Variants in FGF12 observed in about 807,000 individuals in gnomAD.
FGF12 encodes fibroblast growth factor 12.
Under a neutral mutation model 23.6 loss-of-function variants are expected in FGF12, and 14 were observed. That is an observed-to-expected ratio of 0.59 (90% CI 0.39 to 0.93). The LOEUF (loss-of-function observed/expected upper bound fraction) is 0.93. FGF12 is among the 40% of genes least tolerant of loss of function. FGF12 has a pLI of 0.00. For synonymous variants in FGF12, 62 were observed against 77.3 expected (o/e 0.80, Z 1.04); for missense variants, 175 against 217.8 (o/e 0.80, Z 1.24).
chr3:192,306,046 G>C (rs962582412), intron 4 of FGF12, among the ~76,000 whole-genome samples: 5 of 151,754 alleles, frequency 3.3e-5, no homozygotes, highest in African/African-American at 1.2e-4. Flanking sequence ...ATTTTCAATA[G>C]AGACGGGGTT....
At chr3:192,219,528 C>T (rs1718367785) in intron 4 of FGF12, among the ~76,000 whole-genome samples, 1 of 152,166 alleles carries the variant, frequency 6.6e-6, no homozygotes, top group Non-Finnish European at 1.5e-5. Flanking sequence ...TATTGGTATG[C>T]TTCCTTTAAG....
intron 2 of FGF12, among the ~76,000 whole-genome samples, chr3:192,503,496 A>G (rs1724193250): frequency 6.6e-6 from 1 of 150,630 alleles, no homozygotes; most frequent in African/African-American, 2.5e-5. Context: ...ACCATTTTAC[A>G]TTTTTTATCC....
intron 2 of FGF12, among the ~76,000 whole-genome samples, chr3:192,628,382 A>C (rs751676369): frequency 6.7e-6 from 1 of 149,976 alleles, no homozygotes; most frequent in African/African-American, 2.4e-5. Flanking sequence ...AACATAAATA[A>C]AAACTGCCAA....
chr3:192,578,537 G>C (rs1161957267), intron 2 of FGF12, among the ~76,000 whole-genome samples: 1 of 152,030 alleles, frequency 6.6e-6, no homozygotes, highest in African/African-American at 2.4e-5. Context: ...TGGCAGTTTT[G>C]CCTCTCAGAT....
Position 192,336,108 on chromosome 3 carries a change from T to TAC in FGF12, c.125-646_125-645dup, listed in dbSNP as rs34991386. Among the ~76,000 whole-genome samples, 5,145 of 143,982 alleles carry TAC rather than the reference T, an allele frequency of 0.036. 96 individuals are homozygous for TAC. The highest frequency in any genetic ancestry group is 0.053 in the African/African-American group (2,049 of 38,948). The allele number at this position is 143,982 out of a possible 152,430, so 94.5% of individuals were successfully genotyped here. ...ATATATTTTATATCCAGGTGGGAAA[T>TAC]ACACACACACACACACACACACACA... On this transcript the variant is annotated intron_variant, in intron 3 of 5. Transcript: ENST00000445105. The surrounding 1 kb of genome is among the most constrained non-coding windows in gnomAD (Gnocchi z 4.3).
intron 2 of FGF12, among the ~76,000 whole-genome samples, chr3:192,483,682 A>C (rs1254912428): frequency 6.6e-6 from 1 of 152,154 alleles, no homozygotes; most frequent in Non-Finnish European, 1.5e-5. Context: ...GCCAAGTAGA[A>C]GTGTAGCTGA....
At chr3:192,609,251 A>G (rs1714459227) in intron 2 of FGF12, among the ~76,000 whole-genome samples, 1 of 152,096 alleles carries the variant, frequency 6.6e-6, no homozygotes, top group South Asian at 2.1e-4. Flanking sequence ...GACCTTGACC[A>G]TACTTGATCA....
At chr3:192,621,527 C>T (rs544999505) in intron 2 of FGF12, among the ~76,000 whole-genome samples, 3 of 152,170 alleles carry the variant, frequency 2.0e-5, no homozygotes, top group South Asian at 4.2e-4. Context: ...ATAGCACCCA[C>T]TCTGCAGGGC....
intron 4 of FGF12, among the ~76,000 whole-genome samples, chr3:192,261,272 C>T (rs1002135259): frequency 2.0e-5 from 3 of 152,048 alleles, no homozygotes; most frequent in East Asian, 1.9e-4. Context: ...TGGCCATGGC[C>T]GAGGGTTTAT....
intron 2 of FGF12, among the ~76,000 whole-genome samples, chr3:192,392,552 C>T (rs767745533): frequency 1.0e-4 from 14 of 138,996 alleles, no homozygotes; most frequent in African/African-American, 1.4e-4. Flanking sequence ...ACCAAGATTG[C>T]GCCATTGCAC....
intron 2 of FGF12, among the ~76,000 whole-genome samples, chr3:192,527,616 T>C (rs1444109878): frequency 6.6e-6 from 1 of 152,232 alleles, no homozygotes; most frequent in Admixed American, 6.5e-5. Flanking sequence ...ATCTTCAGCA[T>C]CCTGGGCTTA....
intron 2 of FGF12, among the ~76,000 whole-genome samples, chr3:192,508,607 T>C (rs989863053): frequency 6.6e-6 from 1 of 152,222 alleles, no homozygotes; most frequent in Non-Finnish European, 1.5e-5. Context: ...ATCACATAGA[T>C]AACTTTGCAG....
At chr3:192,377,493 A>G (rs75871899) in intron 2 of FGF12, among the ~76,000 whole-genome samples, 20,405 of 152,260 alleles carry the variant, frequency 0.13, 1,484 homozygotes, top group Middle Eastern at 0.22. Context: ...TGGGAGGCAG[A>G]GTCATTTCGT....
intron 2 of FGF12, among the ~76,000 whole-genome samples, chr3:192,521,883 C>A (rs1359208193): frequency 6.6e-6 from 1 of 152,062 alleles, no homozygotes; most frequent in Non-Finnish European, 1.5e-5. Context: ...GTTTGTATAT[C>A]TTGGTACCTA....
At chr3:192,365,921 A>G (rs1343067864) in intron 2 of FGF12, among the ~76,000 whole-genome samples, 2 of 150,442 alleles carry the variant, frequency 1.3e-5, no homozygotes, top group Non-Finnish European at 3.0e-5. Context: ...TACAGGAAAT[A>G]GGATGAATTT....
At chr3:192,688,712 A>G (rs1313905016) in intron 2 of FGF12, among the ~76,000 whole-genome samples, 1 of 152,216 alleles carries the variant, frequency 6.6e-6, no homozygotes, top group East Asian at 1.9e-4. Flanking sequence ...TACTATTACT[A>G]TATAATCCAG....
At chr3:192,357,374 T>C (rs1170096781) in intron 3 of FGF12, among the ~76,000 whole-genome samples, 1 of 151,598 alleles carries the variant, frequency 6.6e-6, no homozygotes, top group Non-Finnish European at 1.5e-5. Flanking sequence ...CCCAGCAACT[T>C]GGGAGGCTGA....
chr3:192,681,926 C>T (rs1363765055), intron 2 of FGF12, among the ~76,000 whole-genome samples: 1 of 152,134 alleles, frequency 6.6e-6, no homozygotes. Flanking sequence ...AACACACATA[C>T]AATGTTTCAT....
chr3:192,640,891 C>A (rs1200597347), intron 2 of FGF12, among the ~76,000 whole-genome samples: 4 of 152,006 alleles, frequency 2.6e-5, no homozygotes, highest in Non-Finnish European at 5.9e-5. Flanking sequence ...TGGCTCACTG[C>A]CCCCTCAATC....
Sources: gnomAD v4.1 joint callset for allele counts (sites outside exome capture counted in the v4.1 genomes callset) on GRCh38, gnomAD v4.1.1 for gene constraint, Gnocchi (gnomAD v3.1) non-coding constraint, MANE v1.5 for transcripts, NCBI Gene and HGNC (gene_info 2026-07-23, HGNC 2026-07-21) for gene names.